KBTBD8: variants seen among roughly 807,000 people sequenced by gnomAD.
The protein encoded by KBTBD8 is kelch repeat and BTB domain containing 8, also known as kelch repeat and BTB domain-containing protein 8.
A neutral mutation model predicts 53.5 loss-of-function variants in KBTBD8; 31 were observed. That is an observed-to-expected ratio of 0.58 (90% CI 0.44 to 0.78). The LOEUF (loss-of-function observed/expected upper bound fraction) is 0.78. KBTBD8 is among the 30% of genes least tolerant of loss of function. The pLI is 0.00. For synonymous variants in KBTBD8, 250 were observed against 247.3 expected (o/e 1.01, Z -0.10); for missense variants, 642 against 735.8 (o/e 0.87, Z 1.48).
At chr3:67,006,804 G>T (rs922288231) in intron 3 of KBTBD8, among the ~76,000 whole-genome samples, 1 of 152,178 alleles carries the variant, frequency 6.6e-6, no homozygotes, top group Admixed American at 6.5e-5. Context: ...AGCTTATGTT[G>T]TACTATCTGT....
chr3:66,998,808 T>C, intron 1 of KBTBD8, 173 bp from the exon 2 acceptor site: 4 of 621,504 alleles, frequency 6.4e-6, no homozygotes, highest in Non-Finnish European at 1.1e-5. Context: ...CTCCGCCCTC[T>C]GTCTCCCAGA....
chr3:67,002,990 T>C (rs1158243946), intron 2 of KBTBD8, among the ~76,000 whole-genome samples: 3 of 152,198 alleles, frequency 2.0e-5, no homozygotes, highest in African/African-American at 7.2e-5. Flanking sequence ...GAGCTAGCCC[T>C]GAGAATATGG....
At position 67,004,310 on chromosome 3, in the gene KBTBD8, G is replaced by A; in HGVS notation, c.1342+1G>A. On this transcript the variant is annotated splice_donor_variant, in intron 3 of 3. Coordinates refer to ENST00000417314, the MANE Select transcript of KBTBD8 (RefSeq NM_032505.3). LOFTEE classifies it high-confidence loss of function. ...AAAGAGAAGATCTATGTTTTACAGG[G>A]TAGGTGCCTAAGTGATTTAGTTTTT... 6.2e-7 allele frequency: 1 copy of A among 1,610,216 alleles called. No homozygotes were observed. Among genetic ancestry groups the A allele is most frequent in the Non-Finnish European group, 8.5e-7 (1 of 1,176,784 alleles).
In KBTBD8 at chr3:66,998,349, T is replaced by C. The variant is rs374067910; in HGVS notation, c.-7T>C. ...TTAAATAGCTGGAGTCGGGGCCCCA[T>C]CGAGAAATGGCCGCGTCGGCAGGTG... On this transcript the variant is annotated 5_prime_UTR_variant, in exon 1 of 4. Transcript: ENST00000417314. The C allele has an allele frequency of 5.4e-6, 7 of 1,289,716 alleles. No homozygotes were observed. Among genetic ancestry groups the C allele is most frequent in the South Asian group, 5.3e-5 (2 of 37,660 alleles). The allele number at this position is 1,289,716 out of a possible 1,614,324, so 79.9% of individuals were successfully genotyped here.
At chr3:67,000,703 T>A (rs974753739) in intron 2 of KBTBD8, among the ~76,000 whole-genome samples, 1 of 152,082 alleles carries the variant, frequency 6.6e-6, no homozygotes, top group Admixed American at 6.6e-5. Context: ...GTATATTGCA[T>A]TTGAATAGTA....
intron 2 of KBTBD8, among the ~76,000 whole-genome samples, chr3:66,999,566 G>T (rs941015430): frequency 6.6e-6 from 1 of 152,200 alleles, no homozygotes; most frequent in Non-Finnish European, 1.5e-5. Context: ...TTGAGTGCTT[G>T]CTGGTCACCT....
In KBTBD8 at chr3:67,003,733, CAGTTTGCACAGGCTATAGCCA is replaced by C. The variant is rs1175825847; in HGVS notation, c.768_788del (p.Phe257_Lys263del). On this transcript the variant is annotated inframe_deletion, in exon 3 of 4. Transcript: ENST00000417314. ...TACCTTTATAGAGAAAATTCCACCT[CAGTTTGCACAGGCTATAGCCA>C]AAAGCTGTGTAGAAAAGGGACCATC... 5.6e-6 allele frequency: 9 copies of C among 1,614,004 alleles called. No homozygotes were observed. Among genetic ancestry groups the C allele is most frequent in the Non-Finnish European group, 7.6e-6 (9 of 1,180,008 alleles).
intron 2 of KBTBD8, among the ~76,000 whole-genome samples, chr3:66,999,698 A>C (rs1247394453): frequency 6.6e-6 from 1 of 152,124 alleles, no homozygotes; most frequent in Non-Finnish European, 1.5e-5. Flanking sequence ...ATGTTTCTTT[A>C]GTGTATGGGA....
In KBTBD8 at chr3:67,003,465, A is replaced by G; in HGVS notation, c.498A>G (p.Glu166=). The part of the protein sequence containing the change: ...FIFADHYGHQ[E]LGDRSKEYIR... Reference sequence around the variant, plus strand: ...TTGCTGATCATTATGGTCATCAGGAACTCGGAGATCGATCAAAAGAATACA... The same window carrying G: ...TTGCTGATCATTATGGTCATCAGGAGCTCGGAGATCGATCAAAAGAATACA... The change falls in exon 3 of 4, where the codon GAA becomes GAG. Residue 166 remains glutamate, a synonymous_variant. Transcript: ENST00000417314. 6 of 1,614,136 alleles carry G rather than the reference A, an allele frequency of 3.7e-6. No individual in the cohort carries two copies. The East Asian group carries it at 1.3e-4, about 36-fold the overall frequency.
Position 67,005,086 on chromosome 3 carries a change from T to G in KBTBD8, c.1342+777T>G, listed in dbSNP as rs539166679. 7.9e-4 allele frequency among the ~76,000 whole-genome samples: 121 copies of G among 152,326 alleles called. 1 individual carries two copies. The South Asian group carries it at 0.025, about 31-fold the overall frequency. ...TAGAGGTAGAGTGACTGAGTCAGAGTAAATAAGACATTTGATTCAAGGCTC... is the reference window on the plus strand; with the variant it reads ...TAGAGGTAGAGTGACTGAGTCAGAGGAAATAAGACATTTGATTCAAGGCTC... On this transcript the variant is annotated intron_variant, in intron 3 of 3. Transcript: ENST00000417314.
chr3:67,009,423 A>G lies in KBTBD8; in HGVS notation c.*1038A>G, dbSNP rs560770936. On this transcript the variant is annotated 3_prime_UTR_variant, in exon 4 of 4. Coordinates refer to ENST00000417314, the MANE Select transcript of KBTBD8 (RefSeq NM_032505.3). ...AACTTATTTCTCTTCTGCACAGAGC[A>G]TAATGTGAAGTTTTATACCTACTTT... The G allele has an allele frequency of 6.6e-6, 1 of 152,640 alleles. No homozygotes were observed. Among genetic ancestry groups the G allele is most frequent in the Non-Finnish European group, 1.5e-5 (1 of 68,018 alleles). 9.5% of individuals were successfully genotyped at this position (152,640 alleles called of 1,614,324 possible).
In KBTBD8 at chr3:67,007,905, CTTTT is replaced by C. The variant is rs548255775; in HGVS notation, c.1343-6_1343-3del. ...ATAAAAATTTACATATTCTTGTTTTCTTTTTTTTTTTTTTAGGAGAATTTTTTCT... is the reference window on the plus strand; with the variant it reads ...ATAAAAATTTACATATTCTTGTTTTCTTTTTTTTTTAGGAGAATTTTTTCT... On this transcript the variant is annotated splice_polypyrimidine_tract_variant and intron_variant, in intron 3 of 3. Transcript: ENST00000417314. 7.7e-6 allele frequency: 9 copies of C among 1,161,884 alleles called. No homozygotes were observed. The highest frequency in any genetic ancestry group is 1.7e-5 in the South Asian group (1 of 57,172). The allele number at this position is 1,161,884 out of a possible 1,614,324, so 72.0% of individuals were successfully genotyped here.
At chr3:67,002,882 G>A (rs1702029933) in intron 2 of KBTBD8, among the ~76,000 whole-genome samples, 1 of 152,020 alleles carries the variant, frequency 6.6e-6, no homozygotes, top group South Asian at 2.1e-4. Flanking sequence ...CTCTGGATAG[G>A]GGCTTCTAGG....
chr3:66,998,938 T>G (rs1448492444), intron 1 of KBTBD8, 43 bp from the exon 2 acceptor site: 1 of 1,459,876 alleles, frequency 6.8e-7, no homozygotes. Flanking sequence ...ATGCCGTAAC[T>G]GGCTCGGCAC....
rs940637835 is a variant in KBTBD8 at position 67,011,156 on chromosome 3, T to C, written c.*2771T>C. 1 of 152,658 alleles carries C rather than the reference T, an allele frequency of 6.6e-6. No individual in the cohort carries two copies. The highest frequency in any genetic ancestry group is 2.4e-5 in the African/African-American group (1 of 41,466). The allele number at this position is 152,658 out of a possible 1,614,324, so 9.5% of individuals were successfully genotyped here. ...ATTTTGCCATAATTGCACAATTTTT[T>C]GCATTTTTACCTGATGTCATTGTTT... On this transcript the variant is annotated 3_prime_UTR_variant, in exon 4 of 4. Transcript: ENST00000417314.
At chr3:67,005,520 T>C (rs1298100195) in intron 3 of KBTBD8, among the ~76,000 whole-genome samples, 1 of 152,212 alleles carries the variant, frequency 6.6e-6, no homozygotes, top group Non-Finnish European at 1.5e-5. Flanking sequence ...GTATGCTCTA[T>C]GATGTTCTTC....
rs1702106873 is a variant in KBTBD8, at chr3:67,010,355, A to G, written c.*1970A>G. The stretch of plus-strand genomic sequence containing the variant: ...CTGCCGCTTTTTGACAATCTTGTGT[A>G]TTTAGAAAAATGTATTACTTGAAAA... On this transcript the variant is annotated 3_prime_UTR_variant, in exon 4 of 4. Coordinates refer to ENST00000417314, the MANE Select transcript of KBTBD8 (RefSeq NM_032505.3). 6.6e-6 allele frequency: 1 copy of G among 152,596 alleles called. No homozygotes were observed. The highest frequency in any genetic ancestry group is 1.5e-5 in the Non-Finnish European group (1 of 67,998). 9.5% of individuals were successfully genotyped at this position (152,596 alleles called of 1,614,324 possible). A position where few individuals can be genotyped will look rare whatever the true frequency, so the allele number is the denominator to read the frequency against.
Position 66,999,201 on chromosome 3 carries a change from T to C in KBTBD8, c.227+10T>C. The stretch of plus-strand genomic sequence containing the variant: ...TCAGCCCTTACTTCAGGTATGATGA[T>C]GGTAGGAACTTCTGTTGGTATCTGC... On this transcript the variant is annotated intron_variant, in intron 2 of 3. Coordinates refer to ENST00000417314, the MANE Select transcript of KBTBD8 (RefSeq NM_032505.3). 6.2e-7 allele frequency: 1 copy of C among 1,608,818 alleles called. No individual in the cohort carries two copies. The highest frequency in any genetic ancestry group is 8.5e-7 in the Non-Finnish European group (1 of 1,175,146).
intron 3 of KBTBD8, among the ~76,000 whole-genome samples, chr3:67,007,319 GT>G (rs35767804): frequency 0.14 from 18,820 of 134,194 alleles, 1,082 homozygotes; most frequent in Admixed American, 0.18. Flanking sequence ...TCAAGTTTGT[GT>G]TTTTTTTTTT....
Sources: gnomAD v4.1 joint callset for allele counts (sites outside exome capture counted in the v4.1 genomes callset) on GRCh38, gnomAD v4.1.1 for gene constraint, MANE v1.5 for transcripts, NCBI Gene and HGNC (gene_info 2026-07-23, HGNC 2026-07-21) for gene names.